MECOM: variants seen among roughly 807,000 people sequenced by gnomAD.
The protein encoded by MECOM is histone-lysine N-methyltransferase MECOM.
In MECOM, 13 loss-of-function variants were observed where a neutral mutation model predicts 116.3. The ratio of observed to expected loss-of-function variants is 0.11; its 90% CI spans 0.07 to 0.18. The LOEUF is 0.18. Among genes scored for constraint, MECOM ranks in the 10% least tolerant of loss-of-function variants. The probability of loss-of-function intolerance (pLI) is 1.00; values close to 1 mark genes in which losing one functional copy is unlikely to be tolerated. For synonymous variants in MECOM, 528 were observed against 535.2 expected, an observed-to-expected ratio of 0.99 and a Z score of 0.19; for missense variants, 1,299 against 1,509.0, an observed-to-expected ratio of 0.86 and a Z score of 2.31.
rs1453748999 is a variant in MECOM, at chr3:169,592,078, G to A, written c.37+71258C>T. Among the ~76,000 whole-genome samples the A allele has an allele frequency of 2.6e-5, 4 of 152,062 alleles. 1 individual carries two copies. The highest frequency in any genetic ancestry group is 1.9e-4 in the East Asian group (1 of 5,186). On this transcript the variant is annotated intron_variant, in intron 1 of 16. Coordinates refer to ENST00000651503, the MANE Select transcript of MECOM (RefSeq NM_004991.4). Reference sequence around the variant, plus strand: ...GACTCAGAGATTTTGTTCTACCCCCGACCAGCAGTTACCCTTCAACCAGTC... The same window carrying A: ...GACTCAGAGATTTTGTTCTACCCCCAACCAGCAGTTACCCTTCAACCAGTC...
chr3:169,500,217 A>G (rs979059853), intron 1 of MECOM, among the ~76,000 whole-genome samples: 3 of 152,108 alleles, frequency 2.0e-5, no homozygotes, highest in Admixed American at 6.6e-5. Flanking sequence ...GTTAAATAAA[A>G]CTGGATGAAG....
At chr3:169,641,577 T>A (rs1225335561) in intron 1 of MECOM, among the ~76,000 whole-genome samples, 1 of 152,226 alleles carries the variant, frequency 6.6e-6, no homozygotes, top group Non-Finnish European at 1.5e-5. Context: ...AGTGTTCTAT[T>A]CAAAGAAGCT....
intron 2 of MECOM, among the ~76,000 whole-genome samples, chr3:169,365,465 T>C (rs559845393): frequency 2.8e-4 from 43 of 152,160 alleles, no homozygotes; most frequent in African/African-American, 1.0e-3. Context: ...TACTCACATG[T>C]GACACCTCCT....
intron 1 of MECOM, among the ~76,000 whole-genome samples, chr3:169,624,677 T>C (rs1315131326): frequency 6.6e-6 from 1 of 152,178 alleles, no homozygotes; most frequent in Non-Finnish European, 1.5e-5. Context: ...GAAAAGAGGC[T>C]CTTCCTGGCT....
At chr3:169,484,024 AC>A in intron 1 of MECOM, 1 of 1,535,608 alleles carries the variant, frequency 6.5e-7, no homozygotes, top group Non-Finnish European at 8.9e-7. Flanking sequence ...TGCCCCCAAA[AC>A]CATTGTTTTA....
intron 2 of MECOM, among the ~76,000 whole-genome samples, chr3:169,351,649 T>A (rs1220850389): frequency 1.3e-5 from 2 of 151,850 alleles, no homozygotes; most frequent in Non-Finnish European, 2.9e-5. Context: ...TATTAAAATA[T>A]GTAATCTTAT....
chr3:169,435,661 A>G (rs1742500543), intron 1 of MECOM, among the ~76,000 whole-genome samples: 1 of 152,214 alleles, frequency 6.6e-6, no homozygotes, highest in Non-Finnish European at 1.5e-5. Flanking sequence ...TTTAAAATAT[A>G]TATTTTCTTG....
At chr3:169,389,347 C>T (rs1023944253) in intron 1 of MECOM, among the ~76,000 whole-genome samples, 1 of 152,194 alleles carries the variant, frequency 6.6e-6, no homozygotes, top group Non-Finnish European at 1.5e-5. Context: ...CATTAAAGTT[C>T]TGTGAGTACT....
chr3:169,291,476 A>G (rs1243479070), intron 2 of MECOM, among the ~76,000 whole-genome samples: 1 of 152,168 alleles, frequency 6.6e-6, no homozygotes, highest in Non-Finnish European at 1.5e-5. Context: ...CCTTTACCTC[A>G]GCCTACTTCA....
intron 1 of MECOM, among the ~76,000 whole-genome samples, chr3:169,516,154 C>T (rs566313626): frequency 1.3e-5 from 2 of 152,162 alleles, no homozygotes; most frequent in South Asian, 4.1e-4. Flanking sequence ...TCATGAAAAA[C>T]AAGGTGAAAA....
At chr3:169,658,285 T>C (rs1354260073) in intron 1 of MECOM, among the ~76,000 whole-genome samples, 2 of 152,164 alleles carry the variant, frequency 1.3e-5, no homozygotes, top group African/African-American at 4.8e-5. Flanking sequence ...GTACCTGGCA[T>C]CATCAGAGTG....
At chr3:169,539,988 A>G (rs939593522) in intron 1 of MECOM, among the ~76,000 whole-genome samples, 1 of 152,192 alleles carries the variant, frequency 6.6e-6, no homozygotes, top group Non-Finnish European at 1.5e-5. Flanking sequence ...TTTTTGCTTC[A>G]TGGCTGAATC....
rs71634436 is a variant in MECOM, at chr3:169,649,409, C to CAAAAAAAAAA, written c.37+13917_37+13926dup. ...GGGCGGCAAGAGCGAAACTCCATCTCAAAAAAAAAAAAAAAAAAAATAGGA... is the reference window on the plus strand; with the variant it reads ...GGGCGGCAAGAGCGAAACTCCATCTCAAAAAAAAAAAAAAAAAAAAAAAAAAAAAATAGGA... On this transcript the variant is annotated intron_variant, in intron 1 of 16. Coordinates refer to ENST00000651503, the MANE Select transcript of MECOM (RefSeq NM_004991.4). Among the ~76,000 whole-genome samples, 399 of 74,288 alleles carry CAAAAAAAAAA rather than the reference C, an allele frequency of 5.4e-3. 15 individuals carry two copies. Among genetic ancestry groups the CAAAAAAAAAA allele is most frequent in the Middle Eastern group, 0.011 (1 of 90 alleles). The allele number at this position is 74,288 out of a possible 152,430, so 48.7% of individuals were successfully genotyped here.
chr3:169,579,643 G>C (rs145045734), intron 1 of MECOM, among the ~76,000 whole-genome samples: 1 of 152,314 alleles, frequency 6.6e-6, no homozygotes, highest in African/African-American at 2.4e-5. Context: ...AGGCATTATA[G>C]TTAACCTCCC....
chr3:169,423,334 T>G (rs1485164618), intron 1 of MECOM, among the ~76,000 whole-genome samples: 1 of 148,028 alleles, frequency 6.8e-6, no homozygotes, highest in Non-Finnish European at 1.5e-5. Context: ...TTAACCTCTC[T>G]TGGTTTCAAG....
At chr3:169,375,589 T>C (rs1017821900) in intron 2 of MECOM, among the ~76,000 whole-genome samples, 1 of 152,028 alleles carries the variant, frequency 6.6e-6, no homozygotes, top group African/African-American at 2.4e-5. Context: ...AAGAAATGGA[T>C]AAATTCCTGG....
At chr3:169,468,221 G>A (rs190951385) in intron 1 of MECOM, among the ~76,000 whole-genome samples, 183 of 151,462 alleles carry the variant, frequency 1.2e-3, no homozygotes, top group African/African-American at 3.8e-3. Flanking sequence ...TCCTTCCCAT[G>A]CCCTGATTCC....
chr3:169,292,762 A>G (rs1324078198), intron 2 of MECOM, among the ~76,000 whole-genome samples: 2 of 152,196 alleles, frequency 1.3e-5, no homozygotes, highest in Non-Finnish European at 2.9e-5. Flanking sequence ...AATCAGCCTA[A>G]TAGGAGACTG....
intron 2 of MECOM, among the ~76,000 whole-genome samples, chr3:169,191,740 G>GAAAGAAAGAA (rs760490760): frequency 0.044 from 2,794 of 63,648 alleles, 41 homozygotes; most frequent in Non-Finnish European, 0.064. Flanking sequence ...AAGAAAGAAA[G>GAAAGAAAGAA]AGAAAGAAAG....
Sources: gnomAD v4.1 joint callset for allele counts (sites outside exome capture counted in the v4.1 genomes callset) on GRCh38, gnomAD v4.1.1 for gene constraint, MANE v1.5 for transcripts, NCBI Gene and HGNC (gene_info 2026-07-23, HGNC 2026-07-21) for gene names.